Variants in PARG observed in about 807,000 individuals in gnomAD.
The protein encoded by PARG is mitochondrial poly(ADP-ribose) glycohydrolase.
PARG carries 35 observed loss-of-function variants against 113.0 expected under a neutral mutation model. That is an observed-to-expected ratio of 0.31 (90% CI 0.24 to 0.41). The LOEUF is 0.41. Among genes scored for constraint, PARG ranks in the 10% least tolerant of loss-of-function variants. The pLI is 1.00. For missense variants in PARG, 797 were observed against 1,169.4 expected, an observed-to-expected ratio of 0.68 and a Z score of 4.64; for synonymous variants, 330 against 409.9, an observed-to-expected ratio of 0.81 and a Z score of 2.36.
chr10:49,840,489 G>C (rs1418794514), intron 15 of PARG, among the ~76,000 whole-genome samples: 5 of 151,120 alleles, frequency 3.3e-5, no homozygotes, highest in East Asian at 1.9e-4. Context: ...TAGAACTGTT[G>C]ATACACCAAA....
At position 49,820,208 on chromosome 10, in the gene PARG, A is replaced by C; in HGVS notation, c.2733T>G (p.Ile911Met). 6.5e-7 allele frequency: 1 copy of C among 1,546,550 alleles called. No individual in the cohort carries two copies. Among genetic ancestry groups the C allele is most frequent in the Admixed American group, 2.0e-5 (1 of 50,990 alleles). The part of the protein sequence containing the change: ...TFGDSELMRD[I>M]YSMHIFLTER... ...CAGTAAGGAAAATGTGCATGCTGTA[A>C]ATGTCTCTCATCAATTCTGAGTCCC... The change falls in exon 17 of 18, where the codon ATT becomes ATG. Residue 911 changes from isoleucine (I) to methionine (M), a missense_variant. This residue lies in a region of PARG where 194 missense variants were observed against 247.1 expected (regional missense o/e 0.79). Transcript: ENST00000616448.
At chr10:49,918,341 A>G (rs1837616411) in intron 6 of PARG, among the ~76,000 whole-genome samples, 3 of 152,204 alleles carry the variant, frequency 2.0e-5, no homozygotes, top group African/African-American at 7.2e-5. Context: ...CTTCACTGTA[A>G]TTCTCTGATT....
intron 3 of PARG, among the ~76,000 whole-genome samples, chr10:49,932,666 G>A (rs1336810551): frequency 5.3e-5 from 8 of 152,054 alleles, no homozygotes; most frequent in African/African-American, 9.7e-5. Context: ...ATGGGGTAAC[G>A]GCAAAATATA....
At chr10:49,826,158 G>C (rs1489421692) in intron 16 of PARG, among the ~76,000 whole-genome samples, 3 of 152,274 alleles carry the variant, frequency 2.0e-5, no homozygotes, top group African/African-American at 4.8e-5. Flanking sequence ...ACCTTTGAAT[G>C]CACATTATCA....
intron 12 of PARG, among the ~76,000 whole-genome samples, chr10:49,859,585 C>T (rs1198811345): frequency 6.6e-6 from 1 of 152,196 alleles, no homozygotes; most frequent in African/African-American, 2.4e-5. Context: ...GAGAAACAGA[C>T]GAGGTTTAAG....
chr10:49,833,143 C>T (rs1165914118), intron 15 of PARG: 7 of 284,910 alleles, frequency 2.5e-5, no homozygotes, highest in African/African-American at 4.4e-5. Flanking sequence ...TGTTTGAATG[C>T]TAAGCACATA....
intron 3 of PARG, among the ~76,000 whole-genome samples, chr10:49,932,515 T>A (rs1211721634): frequency 3.3e-5 from 5 of 152,164 alleles, no homozygotes; most frequent in Non-Finnish European, 7.3e-5. Context: ...GTAAATCACC[T>A]TCTCAAAACA....
At chr10:49,832,937 G>C (rs2132402161) in intron 15 of PARG, 29 bp from the exon 16 acceptor site, 2 of 1,192,292 alleles carry the variant, frequency 1.7e-6, no homozygotes, top group Non-Finnish European at 1.2e-6. Context: ...ATCAAAGCCT[G>C]TGAGTGCCTA....
chr10:49,936,654 G>C (rs1229439681), intron 1 of PARG, among the ~76,000 whole-genome samples: 2 of 152,078 alleles, frequency 1.3e-5, no homozygotes, highest in African/African-American at 4.8e-5. Flanking sequence ...ATTCGCAAAT[G>C]TTTAAGATTT....
rs1589012246 is a variant in PARG, at chr10:49,933,547, C to T, written c.901G>A (p.Glu301Lys). ...SPPFEKESEP[E>K]SPMDVDNSKN... Reference sequence around the variant, plus strand: ...GAATTATCCACATCCATCGGTGACTCGGGTTCACTTTCCTTCTCAAATGGA... The same window carrying T: ...GAATTATCCACATCCATCGGTGACTTGGGTTCACTTTCCTTCTCAAATGGA... The change falls in exon 3 of 18, where the codon GAG becomes AAG. Residue 301 changes from glutamate (E) to lysine (K), a missense_variant. Physicochemically the swap from Glu to Lys is moderately conservative, Grantham distance 56. Transcript: ENST00000616448. 16 of 1,611,454 alleles carry T rather than the reference C, an allele frequency of 9.9e-6. No individual in the cohort carries two copies. The highest frequency in any genetic ancestry group is 4.4e-5 in the South Asian group (4 of 90,972).
chr10:49,931,128 T>C (rs1195458815), intron 4 of PARG, among the ~76,000 whole-genome samples: 2 of 151,486 alleles, frequency 1.3e-5, no homozygotes, highest in South Asian at 2.1e-4. Context: ...GATATTCACA[T>C]TGGTTTTTGT....
chr10:49,898,629 G>A (rs1405380196), intron 7 of PARG, among the ~76,000 whole-genome samples: 3 of 151,904 alleles, frequency 2.0e-5, no homozygotes, highest in Admixed American at 1.3e-4. Context: ...TTCTTATCTA[G>A]TCTCATTCAG....
intron 6 of PARG, among the ~76,000 whole-genome samples, chr10:49,921,498 T>C (rs1175108271): frequency 1.3e-5 from 2 of 151,996 alleles, no homozygotes; most frequent in Non-Finnish European, 2.9e-5. Flanking sequence ...TCAAAATACA[T>C]TATGATATAA....
rs1223762968 is a variant in PARG at position 49,932,381 on chromosome 10, G to A, written c.1272-98C>T. 3.3e-5 allele frequency: 25 copies of A among 756,908 alleles called. 1 individual carries two copies. In the Admixed American group the frequency reaches 3.3e-4, roughly 10 times the overall value. 46.9% of individuals were successfully genotyped at this position (756,908 alleles called of 1,614,324 possible). ...ACTTACCCAGACGTTATTGTTTAAA[G>A]TATGCCATACTTGGTCACTCACTTC... On this transcript the variant is annotated intron_variant, in intron 3 of 17. Coordinates refer to ENST00000616448, the MANE Select transcript of PARG (RefSeq NM_003631.5).
At chr10:49,831,321 T>C (rs1844650536) in intron 16 of PARG, among the ~76,000 whole-genome samples, 1 of 152,218 alleles carries the variant, frequency 6.6e-6, no homozygotes, top group East Asian at 1.9e-4. Flanking sequence ...GACTCAAGTA[T>C]TCTCAAAGAG....
rs566977844 is a variant in PARG, at chr10:49,922,571, T to C, written c.1554A>G (p.Gln518=). The change falls in exon 5 of 18, where the codon CAA becomes CAG. Residue 518 remains glutamine (Q), a synonymous_variant. Coordinates refer to ENST00000616448, the MANE Select transcript of PARG (RefSeq NM_003631.5). The stretch of plus-strand genomic sequence containing the variant: ...CCTCATCTTCCACTGGGTACAAATT[T>C]TGTTCTGAACAAGGCATTTTAACAT... The part of the protein sequence containing the change: ...NKHVKMPCSE[Q]NLYPVEDENG... The C allele has an allele frequency of 3.7e-6, 6 of 1,611,174 alleles. No homozygotes were observed. Among genetic ancestry groups the C allele is most frequent in the Middle Eastern group, 4.5e-4 (2 of 4,426 alleles).
rs1554849522 is a variant in PARG at position 49,922,383 on chromosome 10, T to A, written c.1615A>T (p.Ile539Phe). Residue 539 changes from isoleucine to phenylalanine, a missense_variant, in exon 6 of 18, where the codon ATT (isoleucine) becomes TTT (phenylalanine). Ile to Phe is a conservative substitution (Grantham distance 21). Transcript: ENST00000616448. ...AATTTGTTGAGAAGTGCAGTCTGAA[T>A]GAGCTCCCACCGGCTCCCCGCAGTT... is the stretch of plus-strand genomic sequence containing the variant. ...ERTAGSRWEL[I>F]QTALLNKFTR... 2.5e-6 allele frequency: 4 copies of A among 1,607,500 alleles called. No individual in the cohort carries two copies. Among genetic ancestry groups the A allele is most frequent in the Non-Finnish European group, 3.4e-6 (4 of 1,177,766 alleles).
intron 4 of PARG, among the ~76,000 whole-genome samples, chr10:49,930,486 G>T (rs1394290885): frequency 1.3e-5 from 2 of 152,178 alleles, no homozygotes; most frequent in Non-Finnish European, 2.9e-5. Flanking sequence ...CCTGTGATAT[G>T]AACCCAATCC....
intron 13 of PARG, among the ~76,000 whole-genome samples, chr10:49,851,899 A>G (rs1185488737): frequency 1.3e-5 from 2 of 150,508 alleles, no homozygotes; most frequent in Non-Finnish European, 3.0e-5. Flanking sequence ...CAACAAACAG[A>G]GGGATAACAC....
Sources: gnomAD v4.1 joint callset for allele counts (sites outside exome capture counted in the v4.1 genomes callset) on GRCh38, gnomAD v4.1.1 for gene constraint, gnomAD v4.1.1 regional missense constraint, MANE v1.5 for transcripts, NCBI Gene and HGNC (gene_info 2026-07-23, HGNC 2026-07-21) for gene names.